NALCN: variants seen among roughly 807,000 people sequenced by gnomAD.
NALCN encodes the protein sodium leak channel, non-selective, also known as sodium leak channel NALCN.
NALCN carries 111 observed loss-of-function variants against 225.3 expected under a neutral mutation model. That is an observed-to-expected ratio of 0.49 (90% CI 0.42 to 0.58). The LOEUF (loss-of-function observed/expected upper bound fraction) is 0.58. Among genes scored for constraint, NALCN ranks in the 20% least tolerant of loss-of-function variants. NALCN has a pLI of 0.00. For missense variants in NALCN, 1,378 were observed against 2,202.4 expected (o/e 0.63, Z 7.49); for synonymous variants, 764 against 769.0 (o/e 0.99, Z 0.11).
intron 30 of NALCN, among the ~76,000 whole-genome samples, chr13:101,086,194 TC>T (rs1214618523): frequency 2.6e-5 from 4 of 152,082 alleles, no homozygotes; most frequent in Admixed American, 6.5e-5. Context: ...TTAATTTGTG[TC>T]CTAATCTTTG....
intron 15 of NALCN, among the ~76,000 whole-genome samples, chr13:101,151,570 T>C (rs1171824946): frequency 3.3e-5 from 5 of 152,208 alleles, no homozygotes; most frequent in African/African-American, 4.8e-5. Context: ...TTATCTTCAA[T>C]CAGAAGAAAG....
rs990275612 is a variant in NALCN, at chr13:101,221,338, C to T, written c.1626+8055G>A. ...TCCACCATGTTGGCCAGGATGGTCT[C>T]CATCTCCTGACCTCATGATCCGCCC... is the stretch of plus-strand genomic sequence containing the variant. On this transcript the variant is annotated intron_variant, in intron 13 of 43. Coordinates refer to ENST00000251127, the MANE Select transcript of NALCN (RefSeq NM_052867.4). Among the ~76,000 whole-genome samples the T allele has an allele frequency of 4.6e-5, 7 of 152,034 alleles. No homozygotes were observed. In the East Asian group the frequency reaches 1.4e-3, roughly 29 times the overall value.
In NALCN at chr13:101,089,832, A is replaced by C; in HGVS notation, c.3390+14T>G. 1 of 1,614,056 alleles carries C rather than the reference A, an allele frequency of 6.2e-7. No individual in the cohort carries two copies. The highest frequency in any genetic ancestry group is 8.5e-7 in the Non-Finnish European group (1 of 1,179,910). On this transcript the variant is annotated intron_variant, in intron 29 of 43. Coordinates refer to ENST00000251127, the MANE Select transcript of NALCN (RefSeq NM_052867.4). This position sits in a 1 kb window ranked among gnomAD's most constrained non-coding sequence, Gnocchi z 4.7. ...GCTCTTGAAGTGTTCAAAGGATTCG[A>C]TGTGCTCGCTTACCGGCCCCACACG...
At chr13:101,411,864 C>T (rs529218840) in intron 1 of NALCN, among the ~76,000 whole-genome samples, 2 of 151,968 alleles carry the variant, frequency 1.3e-5, no homozygotes, top group South Asian at 4.2e-4. Flanking sequence ...ATTTCTTCAC[C>T]TATTTATTTT....
intron 7 of NALCN, among the ~76,000 whole-genome samples, chr13:101,327,432 C>A (rs1268832497): frequency 6.6e-6 from 1 of 151,908 alleles, no homozygotes; most frequent in Non-Finnish European, 1.5e-5. Flanking sequence ...TAAGCAATTT[C>A]TTTAATCATT....
intron 11 of NALCN, among the ~76,000 whole-genome samples, chr13:101,249,926 A>C (rs2042013040): frequency 6.6e-6 from 1 of 152,112 alleles, no homozygotes; most frequent in East Asian, 1.9e-4. Flanking sequence ...GAGATATGAT[A>C]ATTAGACGTG....
chr13:101,291,868 C>T (rs2043565722), intron 9 of NALCN, 122 bp downstream of exon 9: 1 of 972,302 alleles, frequency 1.0e-6, no homozygotes, highest in Non-Finnish European at 1.6e-6. Context: ...TATTTTTAAA[C>T]AGCTTCCTGA....
chr13:101,337,316 ATTT>A (rs1006835830), intron 7 of NALCN, among the ~76,000 whole-genome samples: 1 of 147,896 alleles, frequency 6.8e-6, no homozygotes, highest in Non-Finnish European at 1.5e-5. Context: ...TTATTTATTT[ATTT>A]ATTTTTTGAG....
chr13:101,170,826 C>T (rs1045661691), intron 15 of NALCN, among the ~76,000 whole-genome samples: 9 of 152,172 alleles, frequency 5.9e-5, no homozygotes, highest in African/African-American at 9.6e-5. Context: ...CTTCCCTTTT[C>T]GATGATTCCT....
At chr13:101,284,994 A>T (rs181134821) in intron 9 of NALCN, among the ~76,000 whole-genome samples, 30 of 152,292 alleles carry the variant, frequency 2.0e-4, no homozygotes, top group Admixed American at 1.8e-3. Flanking sequence ...TAATGATACT[A>T]ACTACAAGTG....
At chr13:101,224,872 C>T (rs191905313) in intron 13 of NALCN, among the ~76,000 whole-genome samples, 6 of 152,254 alleles carry the variant, frequency 3.9e-5, no homozygotes, top group African/African-American at 1.4e-4. Flanking sequence ...GGAAATTTCC[C>T]TGTAGGGTCC....
At chr13:101,290,414 C>A (rs909765670) in intron 9 of NALCN, among the ~76,000 whole-genome samples, 71 of 152,158 alleles carry the variant, frequency 4.7e-4, no homozygotes, top group Non-Finnish European at 7.3e-5. Flanking sequence ...GAGGCTGCCA[C>A]CTCGGAATGG....
At chr13:101,133,576 G>T (rs1335401804) in intron 17 of NALCN, among the ~76,000 whole-genome samples, 3 of 151,988 alleles carry the variant, frequency 2.0e-5, no homozygotes, top group African/African-American at 7.3e-5. Flanking sequence ...GGTCGAAGGT[G>T]GTATCTCATT....
intron 6 of NALCN, chr13:101,368,862 C>T (rs563053902): frequency 6.2e-5 from 11 of 178,064 alleles, no homozygotes; most frequent in East Asian, 1.8e-4. Flanking sequence ...AAAAATTACC[C>T]GGGTGTGGTG....
chr13:101,123,180 G>T (rs556829199), intron 18 of NALCN, among the ~76,000 whole-genome samples: 55 of 152,298 alleles, frequency 3.6e-4, no homozygotes, highest in Admixed American at 9.8e-4. Flanking sequence ...GAAAGTCTCT[G>T]GGAACCCATT....
Position 101,103,458 on chromosome 13 carries a change from G to A in NALCN, c.2890-119C>T, listed in dbSNP as rs544370523. On this transcript the variant is annotated intron_variant, in intron 25 of 43. Transcript: ENST00000251127. ...CAGAGATTCCACTCACTGGTTGTACGTGCCATCTGTTAACTTTAAACAACA... is the reference window on the plus strand; with the variant it reads ...CAGAGATTCCACTCACTGGTTGTACATGCCATCTGTTAACTTTAAACAACA... The A allele has an allele frequency of 6.2e-5, 77 of 1,232,164 alleles. No individual in the cohort carries two copies. The South Asian group carries it at 9.0e-4, about 14-fold the overall frequency. The allele number at this position is 1,232,164 out of a possible 1,614,324, so 76.3% of individuals were successfully genotyped here.
intron 10 of NALCN, among the ~76,000 whole-genome samples, chr13:101,275,442 C>T (rs1028959150): frequency 2.0e-5 from 3 of 152,154 alleles, no homozygotes; most frequent in Non-Finnish European, 4.4e-5. Context: ...TAATTCTTTA[C>T]TAAGTCATAA....
chr13:101,398,875 T>C, intron 2 of NALCN, 144 bp downstream of exon 2: 1 of 572,008 alleles, frequency 1.7e-6, no homozygotes. Context: ...CATTGGATTG[T>C]TCTCTACTTC....
chr13:101,095,805 G>A (rs938924259), intron 27 of NALCN, 125 bp from the exon 28 acceptor site: 3 of 731,912 alleles, frequency 4.1e-6, no homozygotes, highest in Admixed American at 2.9e-5. Flanking sequence ...CAACAGTGAT[G>A]TGGACAGCTA....
Sources: gnomAD v4.1 joint callset for allele counts (sites outside exome capture counted in the v4.1 genomes callset) on GRCh38, gnomAD v4.1.1 for gene constraint, Gnocchi (gnomAD v3.1) non-coding constraint, MANE v1.5 for transcripts, NCBI Gene and HGNC (gene_info 2026-07-23, HGNC 2026-07-21) for gene names.